CSMD1: variants seen among roughly 807,000 people sequenced by gnomAD.
CSMD1 encodes the protein CUB and sushi domain-containing protein 1.
A neutral mutation model predicts 417.5 loss-of-function variants in CSMD1; 213 were observed. The ratio of observed to expected loss-of-function variants is 0.51; its 90% CI spans 0.46 to 0.57. The LOEUF (loss-of-function observed/expected upper bound fraction) is 0.57, where lower values mean the gene tolerates loss of function less well. Among genes scored for constraint, CSMD1 ranks in the 20% least tolerant of loss-of-function variants. The pLI is 0.00. For missense variants in CSMD1, 6,923 were observed against 4,529.7 expected (o/e 1.53, Z -15.17); for synonymous variants, 2,862 against 1,736.8 (o/e 1.65, Z -16.11).
chr8:3,783,718 A>G (rs1799302707), intron 5 of CSMD1, among the ~76,000 whole-genome samples: 1 of 152,212 alleles, frequency 6.6e-6, no homozygotes, highest in Non-Finnish European at 1.5e-5. Context: ...TGCTCCTGAA[A>G]GGTCTCATTC....
At chr8:3,837,768 A>G (rs977035782) in intron 5 of CSMD1, among the ~76,000 whole-genome samples, 10 of 151,514 alleles carry the variant, frequency 6.6e-5, no homozygotes, top group Admixed American at 5.9e-4. Context: ...TATCAGTTCC[A>G]TCTTTGTTTT....
chr8:4,428,353 G>A (rs1207851669), intron 2 of CSMD1, among the ~76,000 whole-genome samples: 3 of 152,150 alleles, frequency 2.0e-5, no homozygotes, highest in Non-Finnish European at 4.4e-5. Context: ...ACCTACTAGG[G>A]ATTAAAAGTA....
In CSMD1 at chr8:4,613,443, A is replaced by G. The variant is rs550446429; in HGVS notation, c.302+23899T>C. Among the ~76,000 whole-genome samples the G allele has an allele frequency of 3.1e-3, 477 of 152,302 alleles. 1 individual carries two copies. The highest frequency in any genetic ancestry group is 0.011 in the African/African-American group (459 of 41,554). On this transcript the variant is annotated intron_variant, in intron 2 of 69. Coordinates refer to ENST00000635120, the MANE Select transcript of CSMD1 (RefSeq NM_033225.6). ...CTCATGAACTAGGTTAGTTGCCTCCAGAACCAAGTTTGCTGCACCTGTTCA... is the reference window on the plus strand; with the variant it reads ...CTCATGAACTAGGTTAGTTGCCTCCGGAACCAAGTTTGCTGCACCTGTTCA...
chr8:4,469,036 C>G (rs915930959), intron 2 of CSMD1, among the ~76,000 whole-genome samples: 11 of 152,172 alleles, frequency 7.2e-5, no homozygotes, highest in African/African-American at 2.4e-4. Flanking sequence ...CAATGCTATA[C>G]TCTCTAAATG....
At chr8:3,638,217 G>C (rs904972805) in intron 7 of CSMD1, among the ~76,000 whole-genome samples, 2 of 152,028 alleles carry the variant, frequency 1.3e-5, no homozygotes, top group Non-Finnish European at 2.9e-5. Flanking sequence ...GTTCAGAACT[G>C]GGCTTTAAAA....
intron 2 of CSMD1, among the ~76,000 whole-genome samples, chr8:4,501,578 T>C (rs997302398): frequency 2.0e-5 from 3 of 152,156 alleles, no homozygotes; most frequent in African/African-American, 7.2e-5. Flanking sequence ...CTGAAAACAT[T>C]AAATGAAAAA....
intron 7 of CSMD1, among the ~76,000 whole-genome samples, chr8:3,670,461 A>G (rs976645967): frequency 1.3e-5 from 2 of 149,770 alleles, no homozygotes. Context: ...AATATCCCAT[A>G]TATATGTATC....
At chr8:3,921,763 A>C (rs1482135136) in intron 5 of CSMD1, among the ~76,000 whole-genome samples, 2 of 152,160 alleles carry the variant, frequency 1.3e-5, no homozygotes, top group Non-Finnish European at 2.9e-5. Context: ...ATATGAGTGC[A>C]ATCTTCTTTG....
intron 5 of CSMD1, among the ~76,000 whole-genome samples, chr8:3,796,361 A>G (rs1800132440): frequency 1.0e-5 from 1 of 96,102 alleles, no homozygotes; most frequent in South Asian, 3.3e-4. Flanking sequence ...ATGTATAGAT[A>G]TAGATATCTA....
At chr8:4,216,980 C>T (rs1054721011) in intron 3 of CSMD1, among the ~76,000 whole-genome samples, 3 of 152,122 alleles carry the variant, frequency 2.0e-5, no homozygotes, top group African/African-American at 4.8e-5. Context: ...TAGGTCCCCA[C>T]GGTTAAGACT....
intron 1 of CSMD1, among the ~76,000 whole-genome samples, chr8:4,884,256 TTATTTTTTCTAGTTACAAG>T (rs1342740885): frequency 2.0e-5 from 3 of 152,130 alleles, no homozygotes; most frequent in Non-Finnish European, 2.9e-5. Flanking sequence ...TATATACATG[TTATTTTTTCTAGTTACAAG>T]TATCTTACCA....
intron 3 of CSMD1, among the ~76,000 whole-genome samples, chr8:4,314,068 G>T (rs892145529): frequency 2.6e-5 from 4 of 151,644 alleles, no homozygotes; most frequent in South Asian, 2.1e-4. Flanking sequence ...AGTTAAACTT[G>T]CTTTCTTTCT....
rs2037722 is a variant in CSMD1 at position 4,513,126 on chromosome 8, C to T, written c.303-93061G>A. ...CATAAAATTGACAACAGCAAGAGTG[C>T]GCTCCAATGTAAACTATGGGCTTTG... On this transcript the variant is annotated intron_variant, in intron 2 of 69. Coordinates refer to ENST00000635120, the MANE Select transcript of CSMD1 (RefSeq NM_033225.6). 7.2e-5 allele frequency among the ~76,000 whole-genome samples: 11 copies of T among 152,024 alleles called. No individual in the cohort carries two copies. In the South Asian group the frequency reaches 1.0e-3, roughly 14 times the overall value.
At chr8:4,609,751 G>A (rs1801067135) in intron 2 of CSMD1, among the ~76,000 whole-genome samples, 1 of 152,126 alleles carries the variant, frequency 6.6e-6, no homozygotes, top group African/African-American at 2.4e-5. Context: ...GAAGAAAGAA[G>A]CAGGGATGAA....
At chr8:3,050,046 G>A (rs2128988261) in intron 50 of CSMD1, among the ~76,000 whole-genome samples, 1 of 151,712 alleles carries the variant, frequency 6.6e-6, no homozygotes, top group East Asian at 1.9e-4. Context: ...AATTTAAAGT[G>A]GGTTTTCCTT....
intron 1 of CSMD1, among the ~76,000 whole-genome samples, chr8:4,735,366 C>G (rs1274811526): frequency 1.3e-5 from 2 of 152,146 alleles, no homozygotes; most frequent in African/African-American, 4.8e-5. Context: ...GTTGCCAAGC[C>G]CATTGTCTTT....
At chr8:3,633,313 T>C (rs552702401) in intron 7 of CSMD1, among the ~76,000 whole-genome samples, 1 of 152,314 alleles carries the variant, frequency 6.6e-6, no homozygotes, top group South Asian at 2.1e-4. Flanking sequence ...GTGCATCGTG[T>C]CATACATAAG....
At chr8:3,598,221 T>G (rs1184788095) in intron 8 of CSMD1, 2 of 152,188 alleles carry the variant, frequency 1.3e-5, no homozygotes, top group South Asian at 2.1e-4. Context: ...AAGTTAATGC[T>G]AAAATTATAC....
intron 11 of CSMD1, among the ~76,000 whole-genome samples, chr8:3,485,502 A>C (rs1456285677): frequency 6.7e-6 from 1 of 149,896 alleles, no homozygotes; most frequent in Non-Finnish European, 1.5e-5. Flanking sequence ...ACAGGTAGTG[A>C]AATTGTATAG....
Sources: allele counts gnomAD v4.1 joint callset (sites outside exome capture counted in the v4.1 genomes callset), GRCh38; gene constraint gnomAD v4.1.1; transcripts MANE v1.5; gene names NCBI Gene and HGNC (gene_info 2026-07-23, HGNC 2026-07-21).